Variants in LRBA observed in about 807,000 individuals in gnomAD.
LRBA encodes lipopolysaccharide-responsive and beige-like anchor protein.
Under a neutral mutation model 330.0 loss-of-function variants are expected in LRBA, and 176 were observed. The ratio of observed to expected loss-of-function variants is 0.53; its 90% CI spans 0.47 to 0.60. The LOEUF (loss-of-function observed/expected upper bound fraction) is 0.60. Ranked by LOEUF, LRBA falls within the 20% of genes least tolerant of loss-of-function variation. The pLI is 0.00. For synonymous variants in LRBA, 1,230 were observed against 1,193.0 expected, an observed-to-expected ratio of 1.03 and a Z score of -0.64; for missense variants, 3,259 against 3,444.8, an observed-to-expected ratio of 0.95 and a Z score of 1.35.
At chr4:150,313,701 A>G (rs935563996) in intron 51 of LRBA, among the ~76,000 whole-genome samples, 1 of 151,876 alleles carries the variant, frequency 6.6e-6, no homozygotes, top group Admixed American at 6.6e-5. Flanking sequence ...CCCTTATCTG[A>G]AACACTTGGG....
At chr4:150,351,889 A>G (rs1265373821) in intron 47 of LRBA, among the ~76,000 whole-genome samples, 4 of 152,200 alleles carry the variant, frequency 2.6e-5, no homozygotes, top group Admixed American at 1.3e-4. Context: ...ATAAACAACA[A>G]TAACAACAAA....
chr4:150,359,559 TAGA>T (rs762249840), intron 47 of LRBA, among the ~76,000 whole-genome samples: 2 of 152,186 alleles, frequency 1.3e-5, no homozygotes, highest in African/African-American at 2.4e-5. Flanking sequence ...GTTTACATGG[TAGA>T]AGATTAGTTG....
chr4:150,815,286 G>A (rs1744399563), intron 31 of LRBA, among the ~76,000 whole-genome samples: 1 of 151,210 alleles, frequency 6.6e-6, no homozygotes, highest in Non-Finnish European at 1.5e-5. Context: ...ACTTTGGATG[G>A]GGGTGGAGAA....
At chr4:150,651,690 A>G (rs1192632526) in intron 37 of LRBA, among the ~76,000 whole-genome samples, 6 of 151,632 alleles carry the variant, frequency 4.0e-5, no homozygotes, top group African/African-American at 1.2e-4. Flanking sequence ...TAAATACAAG[A>G]AAAAAAAAGG....
intron 31 of LRBA, among the ~76,000 whole-genome samples, chr4:150,813,464 T>C (rs1744092435): frequency 6.6e-6 from 1 of 152,142 alleles, no homozygotes; most frequent in South Asian, 2.1e-4. Context: ...ATTTGAAATT[T>C]GTACACCAAA....
intron 47 of LRBA, among the ~76,000 whole-genome samples, chr4:150,371,553 C>T (rs1740327775): frequency 6.6e-6 from 1 of 152,090 alleles, no homozygotes; most frequent in South Asian, 2.1e-4. Flanking sequence ...TGGCTGTGTC[C>T]TGTGGGATAA....
At chr4:150,388,945 C>T (rs115912182) in intron 47 of LRBA, among the ~76,000 whole-genome samples, 1,672 of 152,228 alleles carry the variant, frequency 0.011, 8 homozygotes, top group Non-Finnish European at 0.017. Context: ...TGCAGGTTTC[C>T]ATCACCACAG....
chr4:150,492,319 A>G (rs1243477169), intron 40 of LRBA, among the ~76,000 whole-genome samples: 4 of 152,164 alleles, frequency 2.6e-5, no homozygotes, highest in Non-Finnish European at 5.9e-5. Flanking sequence ...TCTTGAAAAT[A>G]CAAAACAAAA....
At chr4:151,010,691 G>A (rs1451303941) in intron 2 of LRBA, among the ~76,000 whole-genome samples, 1 of 151,832 alleles carries the variant, frequency 6.6e-6, no homozygotes, top group Non-Finnish European at 1.5e-5. Flanking sequence ...AGACCAGCCT[G>A]GCCAACATGG....
Position 150,601,113 on chromosome 4 carries a change from GA to G in LRBA, c.5922-1983del, listed in dbSNP as rs1196278305. ...AAACATATGACGATGTAAAGCTAAT[GA>G]AAGCTGCTCAAATTTGTTAACCTTT... On this transcript the variant is annotated intron_variant, in intron 37 of 56. Coordinates refer to ENST00000651943, the MANE Select transcript of LRBA (RefSeq NM_001364905.1). Among the ~76,000 whole-genome samples the G allele has an allele frequency of 9.2e-5, 14 of 152,276 alleles. No individual in the cohort carries two copies. The East Asian group carries it at 2.5e-3, about 27-fold the overall frequency.
chr4:150,495,894 C>T (rs1205212606), intron 40 of LRBA, among the ~76,000 whole-genome samples: 3 of 152,126 alleles, frequency 2.0e-5, no homozygotes, highest in Non-Finnish European at 2.9e-5. Flanking sequence ...GAAATCTTTA[C>T]TCTCTTTGAA....
At chr4:150,621,045 A>C (rs1776243605) in intron 37 of LRBA, among the ~76,000 whole-genome samples, 2 of 152,182 alleles carry the variant, frequency 1.3e-5, no homozygotes, top group Admixed American at 6.5e-5. Context: ...GCTCACCAGC[A>C]ATCTTATGTT....
intron 8 of LRBA, 76 bp from the exon 9 acceptor site, chr4:150,914,417 T>C: frequency 1.9e-6 from 2 of 1,042,356 alleles, no homozygotes; most frequent in East Asian, 2.6e-5. Context: ...TATATTATCA[T>C]AAATGTTTTG....
chr4:150,896,538 T>C, intron 15 of LRBA, 82 bp from the exon 16 acceptor site: 1 of 726,556 alleles, frequency 1.4e-6, no homozygotes, highest in Non-Finnish European at 2.4e-6. Flanking sequence ...ATTTGTCAAG[T>C]TGGTCAGCTA....
At chr4:150,816,749 C>T (rs952177249) in intron 31 of LRBA, among the ~76,000 whole-genome samples, 1 of 151,634 alleles carries the variant, frequency 6.6e-6, no homozygotes, top group South Asian at 2.1e-4. Context: ...CCAGTAACCA[C>T]ATTAAAAGAT....
At chr4:150,839,772 G>T (rs975052325) in intron 28 of LRBA, among the ~76,000 whole-genome samples, 1 of 151,924 alleles carries the variant, frequency 6.6e-6, no homozygotes, top group Non-Finnish European at 1.5e-5. Context: ...AGCATTAGAA[G>T]ATATACCTAA....
In LRBA at chr4:150,549,583, G is replaced by A. The variant is rs534773461; in HGVS notation, c.6330+38465C>T. ...CCTGACCTCATGATCTGCCCGCCTC[G>A]GCCTCCCAAAATGCTGGGATTACAG... On this transcript the variant is annotated intron_variant, in intron 40 of 56. Coordinates refer to ENST00000651943, the MANE Select transcript of LRBA (RefSeq NM_001364905.1). Among the ~76,000 whole-genome samples, 14 of 152,120 alleles carry A rather than the reference G, an allele frequency of 9.2e-5. No individual in the cohort carries two copies. In the East Asian group the frequency reaches 1.4e-3, roughly 15 times the overall value.
intron 35 of LRBA, among the ~76,000 whole-genome samples, chr4:150,758,775 A>G (rs895544845): frequency 1.3e-5 from 2 of 151,746 alleles, no homozygotes; most frequent in Non-Finnish European, 2.9e-5. Flanking sequence ...GGGTCTCACT[A>G]TGTTGCCCAG....
intron 35 of LRBA, among the ~76,000 whole-genome samples, chr4:150,756,250 C>T (rs768436119): frequency 2.6e-5 from 4 of 152,154 alleles, no homozygotes. Context: ...GACTTGATCA[C>T]TGCTACCTAG....
Sources: allele counts gnomAD v4.1 joint callset (sites outside exome capture counted in the v4.1 genomes callset), GRCh38; gene constraint gnomAD v4.1.1; transcripts MANE v1.5; gene names NCBI Gene and HGNC (gene_info 2026-07-23, HGNC 2026-07-21).